RPS6KA2: variants seen among roughly 807,000 people sequenced by gnomAD.
RPS6KA2 encodes ribosomal protein S6 kinase A2, also known as ribosomal protein S6 kinase alpha-2.
A neutral mutation model predicts 91.8 loss-of-function variants in RPS6KA2; 42 were observed. The observed-to-expected ratio is 0.46, with a 90% CI of 0.36 to 0.59. RPS6KA2 has a LOEUF of 0.59. Among genes scored for constraint, RPS6KA2 ranks in the 20% least tolerant of loss-of-function variants. The probability of loss-of-function intolerance (pLI) is 0.00; values close to 1 mark genes in which losing one functional copy is unlikely to be tolerated. For missense variants in RPS6KA2, 798 were observed against 978.5 expected (o/e 0.82, Z 2.46); for synonymous variants, 414 against 393.6 (o/e 1.05, Z -0.61).
intron 2 of RPS6KA2, chr6:166,757,684 C>A (rs193230590): frequency 2.3e-6 from 1 of 443,622 alleles, no homozygotes; most frequent in African/African-American, 2.0e-5. Flanking sequence ...CGCCCGTCCT[C>A]GTCACCAGGC....
chr6:166,771,178 T>A (rs1778460609), intron 2 of RPS6KA2, among the ~76,000 whole-genome samples: 1 of 152,176 alleles, frequency 6.6e-6, no homozygotes, highest in African/African-American at 2.4e-5. Context: ...TGGTGTCCCA[T>A]CACCAACCTC....
intron 2 of RPS6KA2, among the ~76,000 whole-genome samples, chr6:166,806,536 G>A (rs1048572384): frequency 5.3e-5 from 8 of 152,146 alleles, no homozygotes; most frequent in Non-Finnish European, 1.0e-4. Context: ...CAGCAAAACT[G>A]TACTTTAAAA....
At chr6:166,416,307 C>CCTCGCCATCCTT (rs1778519081) in intron 19 of RPS6KA2, among the ~76,000 whole-genome samples, 1 of 137,972 alleles carries the variant, frequency 7.2e-6, no homozygotes, top group African/African-American at 2.7e-5. Context: ...CCTCCATCAC[C>CCTCGCCATCCTT]TCTACCATCA....
intron 3 of RPS6KA2, among the ~76,000 whole-genome samples, chr6:166,517,665 C>T (rs535669803): frequency 2.7e-5 from 4 of 150,802 alleles, no homozygotes; most frequent in East Asian, 3.9e-4. Context: ...TTAGTAGAGA[C>T]GGGGTTTCAC....
chr6:166,435,959 C>T lies in RPS6KA2; in HGVS notation c.1333-3469G>A, dbSNP rs1779285825. On this transcript the variant is annotated intron_variant, in intron 14 of 20. Coordinates refer to ENST00000265678, the MANE Select transcript of RPS6KA2 (RefSeq NM_021135.6). The surrounding 1 kb of genome is among the most constrained non-coding windows in gnomAD (Gnocchi z 4.3). ...TCCCTGTCCACTCCCTGTGGGGTTG[C>T]AGGAGCTCCCTGGGCCTCTCTACAC... Among the ~76,000 whole-genome samples, 1 of 152,212 alleles carries T rather than the reference C, an allele frequency of 6.6e-6. No individual in the cohort carries two copies. The highest frequency in any genetic ancestry group is 2.4e-5 in the African/African-American group (1 of 41,460).
intron 2 of RPS6KA2, among the ~76,000 whole-genome samples, chr6:166,777,564 C>G (rs976791781): frequency 1.3e-5 from 2 of 151,906 alleles, no homozygotes; most frequent in Non-Finnish European, 2.9e-5. Context: ...AACAGATGAA[C>G]AATATTCAGG....
chr6:166,750,739 T>C (rs139476803), intron 2 of RPS6KA2, among the ~76,000 whole-genome samples: 78 of 152,294 alleles, frequency 5.1e-4, no homozygotes, highest in South Asian at 2.7e-3. Flanking sequence ...CCAGCCCTCA[T>C]GCACCAGAAA....
intron 5 of RPS6KA2, among the ~76,000 whole-genome samples, chr6:166,505,746 A>C (rs927264131): frequency 3.3e-5 from 5 of 152,184 alleles, no homozygotes; most frequent in Admixed American, 1.3e-4. Context: ...CCAGCCACCC[A>C]CCGGCCCCCC....
chr6:166,612,301 G>A lies in RPS6KA2; in HGVS notation c.99+14620C>T, dbSNP rs530679478. 2.0e-5 allele frequency among the ~76,000 whole-genome samples: 3 copies of A among 152,226 alleles called. No individual in the cohort carries two copies. In the South Asian group the frequency reaches 6.3e-4, roughly 32 times the overall value. On this transcript the variant is annotated intron_variant, in intron 1 of 20. Transcript: ENST00000265678. The surrounding 1 kb of genome is among the most constrained non-coding windows in gnomAD (Gnocchi z 4.3). Reference sequence around the variant, plus strand: ...CAGGTGTGATGGAAGAAAAGAGACTGGGACTTGTCCTTTCTGGCTTCTCAG... The same window carrying A: ...CAGGTGTGATGGAAGAAAAGAGACTAGGACTTGTCCTTTCTGGCTTCTCAG...
intron 1 of RPS6KA2, among the ~76,000 whole-genome samples, chr6:166,601,789 A>C (rs1785739586): frequency 6.6e-6 from 1 of 152,186 alleles, no homozygotes; most frequent in African/African-American, 2.4e-5. Context: ...TAAAACTTTA[A>C]AAATTTTAGA....
At chr6:166,678,619 A>G (rs1207787103) in intron 2 of RPS6KA2, among the ~76,000 whole-genome samples, 1 of 152,172 alleles carries the variant, frequency 6.6e-6, no homozygotes, top group Non-Finnish European at 1.5e-5. Flanking sequence ...TACAGTTCTC[A>G]ATGTTTGCTG....
intron 12 of RPS6KA2, among the ~76,000 whole-genome samples, chr6:166,455,667 A>G (rs1780079559): frequency 6.6e-6 from 1 of 152,218 alleles, no homozygotes; most frequent in Non-Finnish European, 1.5e-5. Context: ...CCGGCAGAGA[A>G]GCTCGGGGCT....
intron 2 of RPS6KA2, among the ~76,000 whole-genome samples, chr6:166,817,284 G>A (rs1458923505): frequency 1.3e-5 from 2 of 152,052 alleles, no homozygotes; most frequent in African/African-American, 4.8e-5. Context: ...CAAAACTCAA[G>A]ACTCATCATG....
intron 10 of RPS6KA2, among the ~76,000 whole-genome samples, chr6:166,474,977 G>A (rs1273853651): frequency 4.6e-5 from 7 of 152,302 alleles, no homozygotes; most frequent in Non-Finnish European, 7.4e-5. Context: ...TGCCGAGGGC[G>A]CTGGCCAGGA....
chr6:166,678,602 G>A lies in RPS6KA2; in HGVS notation c.124-139818C>T, dbSNP rs550526782. Among the ~76,000 whole-genome samples, 45 of 152,278 alleles carry A rather than the reference G, an allele frequency of 3.0e-4. No individual in the cohort carries two copies. In the East Asian group the frequency reaches 3.9e-3, roughly 13 times the overall value. On this transcript the variant is annotated intron_variant, in intron 2 of 21. Transcript: ENST00000503859. ...TTTCCCAACAGATAAGATCGTTTAC[G>A]TCTACTTACAGTTCTCAATGTTTGC...
intron 2 of RPS6KA2, among the ~76,000 whole-genome samples, chr6:166,773,953 T>G (rs1034469223): frequency 6.6e-6 from 1 of 152,210 alleles, no homozygotes; most frequent in Admixed American, 6.5e-5. Flanking sequence ...CAGACAAATA[T>G]TTTTGTGTGT....
intron 2 of RPS6KA2, among the ~76,000 whole-genome samples, chr6:166,845,264 G>C (rs933639306): frequency 1.3e-5 from 2 of 152,090 alleles, no homozygotes; most frequent in African/African-American, 4.8e-5. Flanking sequence ...AGTAATAGTG[G>C]GGGACTTCAA....
chr6:166,682,557 C>A (rs1788859296), intron 2 of RPS6KA2, among the ~76,000 whole-genome samples: 1 of 152,154 alleles, frequency 6.6e-6, no homozygotes, highest in Non-Finnish European at 1.5e-5. Flanking sequence ...CTGCTGAACT[C>A]CAGGGTCTAG....
intron 2 of RPS6KA2, among the ~76,000 whole-genome samples, chr6:166,692,816 A>G (rs1306726086): frequency 6.6e-6 from 1 of 152,228 alleles, no homozygotes; most frequent in Non-Finnish European, 1.5e-5. Flanking sequence ...TAGAACTTAG[A>G]GAAGGCTTGG....
Sources: allele counts gnomAD v4.1 joint callset (sites outside exome capture counted in the v4.1 genomes callset), GRCh38; gene constraint gnomAD v4.1.1; non-coding constraint Gnocchi (gnomAD v3.1); transcripts MANE v1.5; gene names NCBI Gene and HGNC (gene_info 2026-07-23, HGNC 2026-07-21).